The following MAML3 variants were observed in gnomAD, a reference collection of about 807,000 sequenced individuals.
The protein encoded by MAML3 is mastermind like transcriptional coactivator 3, also known as mastermind-like protein 3.
In MAML3, 27 loss-of-function variants were observed where a neutral mutation model predicts 101.9. The ratio of observed to expected loss-of-function variants is 0.27; its 90% CI spans 0.20 to 0.37. MAML3 has a LOEUF of 0.37. Ranked by LOEUF, MAML3 falls within the 10% of genes least tolerant of loss-of-function variation. The pLI is 1.00. For synonymous variants in MAML3, 501 were observed against 555.9 expected (o/e 0.90, Z 1.39); for missense variants, 1,316 against 1,444.9 (o/e 0.91, Z 1.45).
intron 1 of MAML3, among the ~76,000 whole-genome samples, chr4:140,148,186 TAATTCTA>T (rs1459934268): frequency 2.0e-5 from 3 of 152,228 alleles, no homozygotes; most frequent in African/African-American, 7.2e-5. Flanking sequence ...TTTGCCCTTA[TAATTCTA>T]ATGAGACAGG....
intron 2 of MAML3, among the ~76,000 whole-genome samples, chr4:139,778,014 T>G (rs1298852883): frequency 1.3e-5 from 2 of 152,182 alleles, no homozygotes; most frequent in South Asian, 2.1e-4. Flanking sequence ...AAGTGTCACC[T>G]CCATGGGCCT....
At chr4:140,018,623 AT>A (rs1726685714) in intron 1 of MAML3, among the ~76,000 whole-genome samples, 1 of 152,194 alleles carries the variant, frequency 6.6e-6, no homozygotes, top group African/African-American at 2.4e-5. Context: ...TCATTCATTA[AT>A]TCATCCACAA....
rs754821324 is a variant in MAML3, at chr4:139,890,059, G to A, written c.1377C>T (p.Ser459=). Residue 459 remains serine (S), a synonymous_variant, in exon 2 of 5, where the codon AGC becomes AGT. Coordinates refer to ENST00000509479, the MANE Select transcript of MAML3 (RefSeq NM_018717.5). This position sits in a 1 kb window ranked among gnomAD's most constrained non-coding sequence, Gnocchi z 4.1. ...GCTGTTCTGCTGGAGACATGTCAGA[G>A]CTGGGCACAGCCACAGGCCCTGACG... ...GSASGPVAVP[S]SDMSPAEQLK... The A allele has an allele frequency of 6.2e-7, 1 of 1,609,442 alleles. No homozygotes were observed. The highest frequency in any genetic ancestry group is 8.5e-7 in the Non-Finnish European group (1 of 1,177,670).
At chr4:139,889,042 G>C in intron 2 of MAML3, 1 of 465,714 alleles carries the variant, frequency 2.1e-6, no homozygotes, top group South Asian at 1.8e-5. Flanking sequence ...GTAGTGCCGT[G>C]TTTGGTGGAG....
intron 4 of MAML3, among the ~76,000 whole-genome samples, chr4:139,720,636 G>T (rs1377890293): frequency 6.6e-6 from 1 of 152,178 alleles, no homozygotes; most frequent in Admixed American, 6.5e-5. Flanking sequence ...TACTGTGCAT[G>T]TGTTTTTGTA....
At chr4:140,151,093 G>C (rs1221968107) in intron 1 of MAML3, among the ~76,000 whole-genome samples, 1 of 152,088 alleles carries the variant, frequency 6.6e-6, no homozygotes, top group Admixed American at 6.5e-5. Context: ...CAGCGGCCCC[G>C]GGGTCTGAGC....
intron 2 of MAML3, among the ~76,000 whole-genome samples, chr4:139,848,218 T>C (rs1265651268): frequency 6.6e-6 from 1 of 152,186 alleles, no homozygotes; most frequent in Non-Finnish European, 1.5e-5. Flanking sequence ...TGATTGAATT[T>C]TAAATATTCA....
chr4:139,872,031 G>T (rs1202305216), intron 2 of MAML3, among the ~76,000 whole-genome samples: 1 of 152,114 alleles, frequency 6.6e-6, no homozygotes, highest in African/African-American at 2.4e-5. Flanking sequence ...TGAACAGCAG[G>T]CACTAATTTT....
At chr4:139,991,537 A>C (rs892815021) in intron 1 of MAML3, among the ~76,000 whole-genome samples, 3 of 152,248 alleles carry the variant, frequency 2.0e-5, no homozygotes, top group Non-Finnish European at 4.4e-5. Flanking sequence ...AGTATTTACT[A>C]ACTTTAAATG....
At chr4:140,061,232 A>G (rs72714205) in intron 1 of MAML3, among the ~76,000 whole-genome samples, 412 of 152,330 alleles carry the variant, frequency 2.7e-3, no homozygotes, top group Non-Finnish European at 4.5e-3. Flanking sequence ...CGCTTTTTAC[A>G]GGAATCGGAC....
chr4:140,113,038 T>C (rs1728461740), intron 1 of MAML3, among the ~76,000 whole-genome samples: 1 of 152,158 alleles, frequency 6.6e-6, no homozygotes, highest in South Asian at 2.1e-4. Flanking sequence ...CCCAGCACTT[T>C]GGGAGCCAAG....
At chr4:139,941,690 T>C (rs1367528241) in intron 1 of MAML3, among the ~76,000 whole-genome samples, 1 of 152,164 alleles carries the variant, frequency 6.6e-6, no homozygotes, top group Non-Finnish European at 1.5e-5. Context: ...TACATGTGTG[T>C]GTTTAGGGGG....
chr4:139,790,242 T>TATATATATATAA (rs1491569003), intron 2 of MAML3, among the ~76,000 whole-genome samples: 1 of 140,508 alleles, frequency 7.1e-6, no homozygotes, highest in Non-Finnish European at 1.5e-5. Flanking sequence ...TATATATATA[T>TATATATATATAA]AAATAAATAT....
chr4:140,011,373 T>G (rs1052424398), intron 1 of MAML3, among the ~76,000 whole-genome samples: 2 of 126,790 alleles, frequency 1.6e-5, no homozygotes, highest in Admixed American at 9.6e-5. Flanking sequence ...AGTCTCCCTC[T>G]GTCGCCCAGG....
rs566430316 is a variant in MAML3, at chr4:139,906,671, G to A, written c.469-15704C>T. ...AATTGTGGTGCATTGTAAACGTACT[G>A]TAAAACTGTAGAGTAAAAAGTATGT... On this transcript the variant is annotated intron_variant, in intron 1 of 4. Transcript: ENST00000509479. Among the ~76,000 whole-genome samples, 9 of 152,308 alleles carry A rather than the reference G, an allele frequency of 5.9e-5. No individual in the cohort carries two copies. In the South Asian group the frequency reaches 1.7e-3, roughly 28 times the overall value.
At chr4:140,152,549 AG>A (rs1377386105) in intron 1 of MAML3, among the ~76,000 whole-genome samples, 1 of 151,932 alleles carries the variant, frequency 6.6e-6, no homozygotes, top group African/African-American at 2.4e-5. Flanking sequence ...ATCTTAAGAA[AG>A]GGAAGGGGGG....
At chr4:139,809,488 A>G (rs1349757330) in intron 2 of MAML3, among the ~76,000 whole-genome samples, 1 of 152,138 alleles carries the variant, frequency 6.6e-6, no homozygotes, top group African/African-American at 2.4e-5. Context: ...AGAGAAAACA[A>G]AGGCCCCTTC....
intron 2 of MAML3, among the ~76,000 whole-genome samples, chr4:139,806,866 A>G (rs10004014): frequency 0.011 from 1,616 of 152,348 alleles, 34 homozygotes; most frequent in African/African-American, 0.036. Flanking sequence ...TCAAGACATT[A>G]TATTTGTCTC....
At chr4:140,052,283 A>C (rs1235123239) in intron 1 of MAML3, among the ~76,000 whole-genome samples, 1 of 152,212 alleles carries the variant, frequency 6.6e-6, no homozygotes, top group Non-Finnish European at 1.5e-5. Context: ...TGAGACACGG[A>C]TCCACAAGGT....
Sources: allele counts gnomAD v4.1 joint callset (sites outside exome capture counted in the v4.1 genomes callset), GRCh38; gene constraint gnomAD v4.1.1; non-coding constraint Gnocchi (gnomAD v3.1); transcripts MANE v1.5; gene names NCBI Gene and HGNC (gene_info 2026-07-23, HGNC 2026-07-21).